PCDHGB6: variants seen among roughly 807,000 people sequenced by gnomAD.
PCDHGB6 encodes protocadherin gamma-B6.
PCDHGB6 carries 51 observed loss-of-function variants against 59.1 expected under a neutral mutation model. The observed-to-expected ratio is 0.86, with a 90% CI of 0.69 to 1.09. The LOEUF (loss-of-function observed/expected upper bound fraction) is 1.09. Ranked by LOEUF, PCDHGB6 falls within the 50% of genes least tolerant of loss-of-function variation. The pLI is 0.00. For missense variants in PCDHGB6, 1,148 were observed against 1,205.1 expected (o/e 0.95, Z 0.70); for synonymous variants, 466 against 495.1 (o/e 0.94, Z 0.78).
intron 1 of PCDHGB6, chr5:141,441,674 CT>C: frequency 3.4e-6 from 1 of 293,692 alleles, no homozygotes; most frequent in Non-Finnish European, 6.7e-6. Flanking sequence ...CACAGTGCGC[CT>C]TCGACCAAGA....
At chr5:141,497,018 A>G (rs988584487) in intron 2 of PCDHGB6, among the ~76,000 whole-genome samples, 1 of 152,084 alleles carries the variant, frequency 6.6e-6, no homozygotes, top group Non-Finnish European at 1.5e-5. Flanking sequence ...GTGAAACCCC[A>G]TCTCGATTAA....
chr5:141,433,159 T>C, intron 1 of PCDHGB6: 2 of 1,613,968 alleles, frequency 1.2e-6, no homozygotes, highest in Non-Finnish European at 1.7e-6. Flanking sequence ...CGGTATTTTC[T>C]AAAGACAGTC....
At chr5:141,465,266 C>G (rs2099099623) in intron 1 of PCDHGB6, among the ~76,000 whole-genome samples, 1 of 152,096 alleles carries the variant, frequency 6.6e-6, no homozygotes, top group South Asian at 2.1e-4. Flanking sequence ...ATGATACTAG[C>G]CATTTAGTTC....
intron 1 of PCDHGB6, chr5:141,424,478 G>A (rs953233220): frequency 3.3e-5 from 5 of 151,898 alleles, no homozygotes; most frequent in Admixed American, 6.6e-5. Context: ...CTTTTACTTT[G>A]GTGTCTGTGT....
rs1231583978 is a variant in PCDHGB6, at chr5:141,409,119, C to T, written c.917C>T (p.Ser306Leu). 5.0e-6 allele frequency: 8 copies of T among 1,613,810 alleles called. No individual in the cohort carries two copies. Among genetic ancestry groups the T allele is most frequent in the Non-Finnish European group, 6.8e-6 (8 of 1,179,886 alleles). The change falls in exon 1 of 4, where the codon TCA becomes TTA. Residue 306 changes from serine to leucine, a missense_variant. Ser to Leu is a moderately radical substitution (Grantham distance 145, BLOSUM62 -2). Coordinates refer to ENST00000520790, the MANE Select transcript of PCDHGB6 (RefSeq NM_018926.3). ...EKTGMIKNNQ[S>L]FDFEDVERYT... ...ACAGGTATGATTAAGAATAACCAGT[C>T]ATTTGATTTTGAAGATGTAGAAAGG...
chr5:141,494,729 C>T (rs2099756368), intron 1 of PCDHGB6, 78 bp from the exon 2 acceptor site: 31 of 1,610,050 alleles, frequency 1.9e-5, no homozygotes, highest in Admixed American at 3.3e-5. Flanking sequence ...CCTTCTCTCC[C>T]GGCCCATCCC....
At chr5:141,461,328 A>G (rs2154567322) in intron 1 of PCDHGB6, among the ~76,000 whole-genome samples, 1 of 152,282 alleles carries the variant, frequency 6.6e-6, no homozygotes, top group East Asian at 1.9e-4. Flanking sequence ...AATAATGGCC[A>G]TTCTTGCAGG....
At position 141,431,359 on chromosome 5, in the gene PCDHGB6, G is replaced by C; in HGVS notation, c.2418+20739G>C. ...CCGAATTGGTGCTGAAACGCGCCCT[G>C]GACCGCGAAGAAAAGGCTGCTCACC... On this transcript the variant is annotated intron_variant, in intron 1 of 3. Coordinates refer to ENST00000520790, the MANE Select transcript of PCDHGB6 (RefSeq NM_018926.3). This position sits in a 1 kb window ranked among gnomAD's most constrained non-coding sequence, Gnocchi z 4.8. The C allele has an allele frequency of 6.2e-7, 1 of 1,614,024 alleles. No homozygotes were observed. Among genetic ancestry groups the C allele is most frequent in the Non-Finnish European group, 8.5e-7 (1 of 1,180,030 alleles).
chr5:141,491,072 C>T lies in PCDHGB6; in HGVS notation c.2419-3735C>T, dbSNP rs778221466. The T allele has an allele frequency of 6.2e-7, 1 of 1,614,204 alleles. No individual in the cohort carries two copies. Among genetic ancestry groups the T allele is most frequent in the South Asian group, 1.1e-5 (1 of 91,086 alleles). On this transcript the variant is annotated intron_variant, in intron 1 of 3. Coordinates refer to ENST00000520790, the MANE Select transcript of PCDHGB6 (RefSeq NM_018926.3). The surrounding 1 kb of genome is among the most constrained non-coding windows in gnomAD (Gnocchi z 6.9). ...GCGTGGCTCTCCTACTCACTGTTGCCACAGTCCACAGCCCCAGGACTGTTC... is the reference window on the plus strand; with the variant it reads ...GCGTGGCTCTCCTACTCACTGTTGCTACAGTCCACAGCCCCAGGACTGTTC...
At chr5:141,421,583 G>A (rs765321947) in intron 1 of PCDHGB6, 1 of 1,613,796 alleles carries the variant, frequency 6.2e-7, no homozygotes, top group African/African-American at 1.3e-5. Context: ...AAGATTTACG[G>A]AGTGGAGGTG....
intron 2 of PCDHGB6, among the ~76,000 whole-genome samples, chr5:141,503,388 A>C (rs1456500896): frequency 6.6e-6 from 1 of 152,004 alleles, no homozygotes; most frequent in East Asian, 1.9e-4. Flanking sequence ...TGAGGTCAGG[A>C]GTTCGAAACC....
chr5:141,447,648 T>A (rs1262852729), intron 1 of PCDHGB6, among the ~76,000 whole-genome samples: 3 of 152,164 alleles, frequency 2.0e-5, no homozygotes, highest in African/African-American at 4.8e-5. Flanking sequence ...ATGGTAGAAT[T>A]TTCCCCCCCA....
rs138070043 is a variant in PCDHGB6, at chr5:141,512,950, AAAT to A, written c.*1783_*1785del. 5,271 of 152,332 alleles carry A rather than the reference AAAT, an allele frequency of 0.035. 119 individuals carry two copies. The highest frequency in any genetic ancestry group is 0.075 in the South Asian group (360 of 4,826). The allele number at this position is 152,332 out of a possible 1,614,324, so 9.4% of individuals were successfully genotyped here. On this transcript the variant is annotated 3_prime_UTR_variant, in exon 4 of 4. Coordinates refer to ENST00000520790, the MANE Select transcript of PCDHGB6 (RefSeq NM_018926.3). ...ATATGGCTTTTTTTCTTCGACAAAA[AAAT>A]AATAAAACGTTTCTTCTGAAAAGCT...
Position 141,486,589 on chromosome 5 carries a change from C to T in PCDHGB6, c.2419-8218C>T. On this transcript the variant is annotated intron_variant, in intron 1 of 3. Transcript: ENST00000520790. The surrounding 1 kb of genome is among the most constrained non-coding windows in gnomAD (Gnocchi z 5.0). ...TTCCTGAGAACAATCGCCCAGGGGA[C>T]CTGCTTTGCTCCCTTGCAGCCTCTG... 1 of 1,613,676 alleles carries T rather than the reference C, an allele frequency of 6.2e-7. No individual in the cohort carries two copies. Among genetic ancestry groups the T allele is most frequent in the African/African-American group, 1.3e-5 (1 of 75,064 alleles).
intron 2 of PCDHGB6, among the ~76,000 whole-genome samples, chr5:141,496,406 G>C (rs1485949584): frequency 6.6e-6 from 1 of 152,160 alleles, no homozygotes; most frequent in African/African-American, 2.4e-5. Flanking sequence ...CTCAATGGTT[G>C]AGTACTTGCT....
In PCDHGB6 at chr5:141,491,764, C is replaced by T; in HGVS notation, c.2419-3043C>T. The stretch of plus-strand genomic sequence containing the variant: ...CGGCACTGGAGAAGCCGCCCGTCCT[C>T]ATAAGGGATTGAACTTGCATCCACT... On this transcript the variant is annotated intron_variant, in intron 1 of 3. Transcript: ENST00000520790. The surrounding 1 kb of genome is among the most constrained non-coding windows in gnomAD (Gnocchi z 6.9). The T allele has an allele frequency of 6.4e-7, 1 of 1,570,206 alleles. No homozygotes were observed. Among genetic ancestry groups the T allele is most frequent in the Non-Finnish European group, 8.6e-7 (1 of 1,159,296 alleles).
chr5:141,418,618 A>T, intron 1 of PCDHGB6: 5 of 1,614,046 alleles, frequency 3.1e-6, no homozygotes, highest in Non-Finnish European at 4.2e-6. Context: ...GCCTTCGGGA[A>T]GACGTGCCTC....
chr5:141,415,750 T>G lies in PCDHGB6; in HGVS notation c.2418+5130T>G, dbSNP rs758016978. 309 of 1,313,170 alleles carry G rather than the reference T, an allele frequency of 2.4e-4. No individual in the cohort carries two copies. In the East Asian group the frequency reaches 2.9e-3, roughly 12 times the overall value. 81.3% of individuals were successfully genotyped at this position (1,313,170 alleles called of 1,614,324 possible). On this transcript the variant is annotated intron_variant, in intron 1 of 3. Coordinates refer to ENST00000520790, the MANE Select transcript of PCDHGB6 (RefSeq NM_018926.3). Reference sequence around the variant, plus strand: ...TTGATGTTTATTAAGGTTTTTTTTTTTTTTTTTTTTTTTTTTTTTTTTACT... The same window carrying G: ...TTGATGTTTATTAAGGTTTTTTTTTGTTTTTTTTTTTTTTTTTTTTTTACT...
intron 1 of PCDHGB6, chr5:141,427,685 C>T: frequency 1.2e-6 from 1 of 852,116 alleles, no homozygotes; most frequent in Non-Finnish European, 1.9e-6. Context: ...TTCCCGGAGC[C>T]TCCATCCCAC....
Sources: gnomAD v4.1 joint callset for allele counts (sites outside exome capture counted in the v4.1 genomes callset) on GRCh38, gnomAD v4.1.1 for gene constraint, Gnocchi (gnomAD v3.1) non-coding constraint, MANE v1.5 for transcripts, NCBI Gene and HGNC (gene_info 2026-07-23, HGNC 2026-07-21) for gene names.